ZFYVE9: variants seen among roughly 807,000 people sequenced by gnomAD.
ZFYVE9 encodes the protein zinc finger FYVE-type containing 9.
ZFYVE9 carries 43 observed loss-of-function variants against 126.7 expected under a neutral mutation model. That is an observed-to-expected ratio of 0.34 (90% CI 0.27 to 0.44). The LOEUF (loss-of-function observed/expected upper bound fraction) is 0.44, where lower values mean the gene tolerates loss of function less well. Ranked by LOEUF, ZFYVE9 falls within the 20% of genes least tolerant of loss-of-function variation. The probability of loss-of-function intolerance (pLI) is 1.00; values close to 1 mark genes in which losing one functional copy is unlikely to be tolerated. For missense variants in ZFYVE9, 1,476 were observed against 1,697.0 expected (o/e 0.87, Z 2.29); for synonymous variants, 521 against 597.4 (o/e 0.87, Z 1.87).
chr1:52,301,196 C>T (rs1176952250), intron 12 of ZFYVE9, among the ~76,000 whole-genome samples: 1 of 151,476 alleles, frequency 6.6e-6, no homozygotes, highest in African/African-American at 2.4e-5. Flanking sequence ...AGATGTTGCT[C>T]CACTGTCTTC....
At chr1:52,179,818 A>C in intron 1 of ZFYVE9, 1 of 604,010 alleles carries the variant, frequency 1.7e-6, no homozygotes, top group Non-Finnish European at 3.1e-6. Context: ...ATTAGGGGGC[A>C]CAGCTGGCTT....
intron 10 of ZFYVE9, among the ~76,000 whole-genome samples, chr1:52,289,557 T>C (rs996853147): frequency 2.0e-5 from 3 of 152,220 alleles, no homozygotes; most frequent in African/African-American, 7.2e-5. Flanking sequence ...ATTCATTACA[T>C]TGAGTGCAGT....
chr1:52,174,257 A>G (rs1390968713), intron 1 of ZFYVE9, among the ~76,000 whole-genome samples: 11 of 152,174 alleles, frequency 7.2e-5, no homozygotes, highest in South Asian at 2.1e-4. Flanking sequence ...TCATTTTGTT[A>G]TGTACCCAGT....
rs1646057660 is a variant in ZFYVE9 at position 52,303,859 on chromosome 1, A to T, written c.3372A>T (p.Gln1124His). ...ACCAGTATACCTTGCCAGTAGTTCA[A>T]GGTTTGGTGGTTGATATGGAAGTTC... ...RNYQYTLPVV[Q>H]GLVVDMEVRK... The change falls in exon 13 of 19, where the codon CAA becomes CAT. Residue 1124 changes from glutamine (Q) to histidine (H), a missense_variant. Gln to His is a conservative substitution (Grantham distance 24). This residue lies in a region of ZFYVE9 where 669 missense variants were observed against 902.4 expected (regional missense o/e 0.74). Coordinates refer to ENST00000287727, the MANE Select transcript of ZFYVE9 (RefSeq NM_004799.4). 6.3e-7 allele frequency: 1 copy of T among 1,599,194 alleles called. No homozygotes were observed. Among genetic ancestry groups the T allele is most frequent in the Admixed American group, 1.7e-5 (1 of 58,038 alleles).
intron 13 of ZFYVE9, among the ~76,000 whole-genome samples, chr1:52,324,140 C>T (rs928898389): frequency 6.6e-6 from 1 of 151,562 alleles, no homozygotes; most frequent in African/African-American, 2.4e-5. Context: ...GTCTGTGTAC[C>T]TGGGAGGCTG....
rs58847260 is a variant in ZFYVE9 at position 52,263,753 on chromosome 1, TCCC to T, written c.2179-7_2179-5del. The T allele has an allele frequency of 8.2e-4, 588 of 712,744 alleles. 3 individuals are homozygous for T. Among genetic ancestry groups the T allele is most frequent in the South Asian group, 4.0e-3 (177 of 44,230 alleles). The allele number at this position is 712,744 out of a possible 1,614,324, so 44.2% of individuals were successfully genotyped here. A position where few individuals can be genotyped will look rare whatever the true frequency, so the allele number is the denominator to read the frequency against. ...ATCCCAAGTAAATTTTGTGTGTTCT[TCCC>T]CCCCCCCCCCCCACAGGTTTTCTGT... On this transcript the variant is annotated splice_polypyrimidine_tract_variant and intron_variant, in intron 4 of 18. Transcript: ENST00000287727.
intron 4 of ZFYVE9, among the ~76,000 whole-genome samples, chr1:52,247,809 T>G (rs1259098908): frequency 6.6e-6 from 1 of 152,136 alleles, no homozygotes; most frequent in Non-Finnish European, 1.5e-5. Flanking sequence ...TTTTATCATC[T>G]CAAACTTAAT....
intron 4 of ZFYVE9, among the ~76,000 whole-genome samples, chr1:52,244,063 A>G (rs745865054): frequency 1.8e-4 from 27 of 152,220 alleles, no homozygotes; most frequent in Non-Finnish European, 3.8e-4. Context: ...ATGGACAGGA[A>G]AGGGACCATT....
chr1:52,247,082 G>C (rs1338441064), intron 4 of ZFYVE9, among the ~76,000 whole-genome samples: 1 of 151,958 alleles, frequency 6.6e-6, no homozygotes, highest in Non-Finnish European at 1.5e-5. Flanking sequence ...TCTTCACCTC[G>C]GCCTCCCCAA....
chr1:52,309,507 A>G (rs1037750596), intron 13 of ZFYVE9, among the ~76,000 whole-genome samples: 32 of 152,054 alleles, frequency 2.1e-4, no homozygotes, highest in Admixed American at 3.9e-4. Flanking sequence ...AAAAAAGGGC[A>G]GAAAAGACCT....
chr1:52,237,889 G>A lies in ZFYVE9; in HGVS notation c.472G>A (p.Asp158Asn), dbSNP rs370955487. 3 of 1,613,850 alleles carry A rather than the reference G, an allele frequency of 1.9e-6. No individual in the cohort carries two copies. The highest frequency in any genetic ancestry group is 2.7e-5 in the African/African-American group (2 of 74,894). ...VLVVAVMHNC[D>N]KRTLQNDLQD... The stretch of plus-strand genomic sequence containing the variant: ...TGTTGTAGCCGTCATGCATAACTGT[G>A]ATAAAAGGACATTACAAAACGATTT... Residue 158 changes from aspartate (D) to asparagine (N), a missense_variant, in exon 4 of 19, where the codon GAT (aspartate) becomes AAT (asparagine). Around this residue, in one of 2 missense-constraint regions of ZFYVE9, gnomAD observed 807 missense variants for 794.6 expected, o/e 1.02. Coordinates refer to ENST00000287727, the MANE Select transcript of ZFYVE9 (RefSeq NM_004799.4).
At chr1:52,320,047 A>G (rs1372178786) in intron 13 of ZFYVE9, among the ~76,000 whole-genome samples, 1 of 142,258 alleles carries the variant, frequency 7.0e-6, no homozygotes, top group Non-Finnish European at 1.5e-5. Context: ...AAAGAAAATA[A>G]TTCCAGGACT....
At chr1:52,190,847 A>T (rs1644809822) in intron 1 of ZFYVE9, among the ~76,000 whole-genome samples, 1 of 152,242 alleles carries the variant, frequency 6.6e-6, no homozygotes, top group Admixed American at 6.5e-5. Flanking sequence ...TATTAATAGC[A>T]TCTACTTTTT....
intron 12 of ZFYVE9, among the ~76,000 whole-genome samples, chr1:52,300,409 G>A (rs1163565790): frequency 1.3e-5 from 2 of 151,906 alleles, no homozygotes; most frequent in Non-Finnish European, 2.9e-5. Context: ...GGCTGATATG[G>A]TGTAACCCCG....
chr1:52,205,599 C>T (rs982024138), intron 1 of ZFYVE9, among the ~76,000 whole-genome samples: 2 of 151,740 alleles, frequency 1.3e-5, no homozygotes, highest in Non-Finnish European at 2.9e-5. Flanking sequence ...CCTCAAACTC[C>T]TGGCCTCAAG....
At position 52,152,917 on chromosome 1, in the gene ZFYVE9, G is replaced by C. The variant is rs531873571; in HGVS notation, c.-143+10514G>C. Among the ~76,000 whole-genome samples, 4 of 152,340 alleles carry C rather than the reference G, an allele frequency of 2.6e-5. No homozygotes were observed. In the South Asian group the frequency reaches 8.3e-4, roughly 32 times the overall value. On this transcript the variant is annotated intron_variant, in intron 1 of 18. Transcript: ENST00000287727. ...TGGAATGCCTATGAAAGGAAATGGGGAGAAAGCAGAATTGCCTAGGGAGAG... is the reference window on the plus strand; with the variant it reads ...TGGAATGCCTATGAAAGGAAATGGGCAGAAAGCAGAATTGCCTAGGGAGAG...
At chr1:52,165,714 T>G (rs910977066) in intron 1 of ZFYVE9, among the ~76,000 whole-genome samples, 1 of 152,254 alleles carries the variant, frequency 6.6e-6, no homozygotes, top group African/African-American at 2.4e-5. Context: ...AACCATTGGC[T>G]TAGAACTCTG....
chr1:52,302,308 A>G (rs1478750893), intron 12 of ZFYVE9, among the ~76,000 whole-genome samples: 2 of 152,244 alleles, frequency 1.3e-5, no homozygotes, highest in African/African-American at 4.8e-5. Flanking sequence ...AAAACCCTCC[A>G]TCTCACATCA....
chr1:52,214,269 A>G (rs953849371), intron 1 of ZFYVE9, among the ~76,000 whole-genome samples: 1 of 152,050 alleles, frequency 6.6e-6, no homozygotes, highest in Non-Finnish European at 1.5e-5. Context: ...TCTACTAAAC[A>G]TACAAAAATT....
Sources: allele counts gnomAD v4.1 joint callset (sites outside exome capture counted in the v4.1 genomes callset), GRCh38; gene constraint gnomAD v4.1.1; regional missense constraint gnomAD v4.1.1; transcripts MANE v1.5; gene names NCBI Gene and HGNC (gene_info 2026-07-23, HGNC 2026-07-21).